The following CACNA2D3 variants were observed in gnomAD, a reference collection of about 807,000 sequenced individuals.
The protein encoded by CACNA2D3 is calcium voltage-gated channel auxiliary subunit alpha2delta 3, also known as voltage-dependent calcium channel subunit alpha-2/delta-3.
CACNA2D3 carries 60 observed loss-of-function variants against 160.6 expected under a neutral mutation model. The observed-to-expected ratio is 0.37, with a 90% confidence interval of 0.30 to 0.46. The LOEUF (loss-of-function observed/expected upper bound fraction) is 0.46, where lower values mean the gene tolerates loss of function less well. Ranked by LOEUF, CACNA2D3 falls within the 20% of genes least tolerant of loss-of-function variation. The probability of loss-of-function intolerance (pLI) is 1.00; values close to 1 mark genes in which losing one functional copy is unlikely to be tolerated. For synonymous variants in CACNA2D3, 558 were observed against 492.9 expected (o/e 1.13, Z -1.75); for missense variants, 1,205 against 1,365.0 (o/e 0.88, Z 1.85).
At chr3:55,032,510 A>G (rs1703706688) in intron 35 of CACNA2D3, among the ~76,000 whole-genome samples, 2 of 152,134 alleles carry the variant, frequency 1.3e-5, no homozygotes, top group African/African-American at 4.8e-5. Context: ...TCTCTTTCTT[A>G]GTCTTCCTCC....
At chr3:54,518,202 G>A (rs1026575463) in intron 5 of CACNA2D3, among the ~76,000 whole-genome samples, 2 of 152,208 alleles carry the variant, frequency 1.3e-5, no homozygotes, top group Middle Eastern at 3.4e-3. Flanking sequence ...TGGTGGTTGG[G>A]GTCCCATCCC....
At position 54,678,593 on chromosome 3, in the gene CACNA2D3, C is replaced by T. The variant is rs138298463; in HGVS notation, c.1167+36352C>T. Among the ~76,000 whole-genome samples the T allele has an allele frequency of 6.6e-3, 998 of 151,526 alleles. 31 individuals carry two copies. The highest frequency in any genetic ancestry group is 0.015 in the South Asian group (71 of 4,772). On this transcript the variant is annotated intron_variant, in intron 11 of 37. Coordinates refer to ENST00000474759, the MANE Select transcript of CACNA2D3 (RefSeq NM_018398.3). ...AAAATTAGCCGGGCATGGTGGTGCG[C>T]GCCTGTAGTCCCAGCCACTTGGGAG...
intron 21 of CACNA2D3, among the ~76,000 whole-genome samples, chr3:54,884,986 C>G (rs1246143808): frequency 1.3e-5 from 2 of 152,156 alleles, no homozygotes; most frequent in Non-Finnish European, 2.9e-5. Flanking sequence ...TTAAGCTTCT[C>G]CCTCCGGACT....
At chr3:54,566,565 C>A (rs1702412002) in intron 6 of CACNA2D3, among the ~76,000 whole-genome samples, 1 of 151,614 alleles carries the variant, frequency 6.6e-6, no homozygotes, top group Non-Finnish European at 1.5e-5. Flanking sequence ...AGTACCTACC[C>A]ATGTACTCTT....
chr3:54,557,468 A>C (rs145146682), intron 5 of CACNA2D3, among the ~76,000 whole-genome samples: 1,939 of 152,342 alleles, frequency 0.013, 11 homozygotes, highest in Non-Finnish European at 0.02. Flanking sequence ...AGAATTGTCA[A>C]AACTGGGCAA....
At chr3:54,382,973 C>T (rs560590108) in intron 3 of CACNA2D3, among the ~76,000 whole-genome samples, 7 of 152,178 alleles carry the variant, frequency 4.6e-5, no homozygotes, top group South Asian at 2.1e-4. Flanking sequence ...TGAGTTTCAC[C>T]GCTAGCTGGG....
intron 2 of CACNA2D3, among the ~76,000 whole-genome samples, chr3:54,161,609 T>A (rs1044670446): frequency 6.6e-6 from 1 of 152,228 alleles, no homozygotes; most frequent in African/African-American, 2.4e-5. Flanking sequence ...GCCAAGGACC[T>A]TAAAAAGCAG....
rs547507130 is a variant in CACNA2D3 at position 54,794,520 on chromosome 3, T to A, written c.1381-22333T>A. 3.9e-5 allele frequency among the ~76,000 whole-genome samples: 6 copies of A among 152,298 alleles called. No homozygotes were observed. In the South Asian group the frequency reaches 1.0e-3, roughly 26 times the overall value. ...CTTTTGGATATACTCAAGCTTCCAA[T>A]TGGAATAATTTTTCTTCAGTCTGAA... On this transcript the variant is annotated intron_variant, in intron 13 of 37. Transcript: ENST00000474759.
intron 2 of CACNA2D3, among the ~76,000 whole-genome samples, chr3:54,300,015 C>T (rs1703438575): frequency 1.3e-5 from 2 of 152,220 alleles, no homozygotes; most frequent in African/African-American, 2.4e-5. Flanking sequence ...TGTATTTTTC[C>T]GCTTCTTTAG....
intron 27 of CACNA2D3, among the ~76,000 whole-genome samples, chr3:54,903,024 A>G (rs1188168831): frequency 6.6e-6 from 1 of 152,230 alleles, no homozygotes; most frequent in East Asian, 1.9e-4. Flanking sequence ...GTTTTGTTAT[A>G]ACAGAATACC....
chr3:54,406,270 A>G (rs1320611742), intron 4 of CACNA2D3, among the ~76,000 whole-genome samples: 1 of 152,152 alleles, frequency 6.6e-6, no homozygotes, highest in Non-Finnish European at 1.5e-5. Context: ...CATTTTCCAC[A>G]ATAGCCATGA....
chr3:54,122,852 G>T lies in CACNA2D3; in HGVS notation c.122+17G>T. The T allele has an allele frequency of 1.6e-6, 2 of 1,225,558 alleles. No homozygotes were observed. The highest frequency in any genetic ancestry group is 2.0e-6 in the Non-Finnish European group (2 of 979,006). The allele number at this position is 1,225,558 out of a possible 1,614,324, so 75.9% of individuals were successfully genotyped here. The stretch of plus-strand genomic sequence containing the variant: ...GCTCTCCGTGTAAGTGCCGGCTCCT[G>T]CGCCGCCCGGGGAGGGGACCTTGCC... On this transcript the variant is annotated intron_variant, in intron 1 of 37. Coordinates refer to ENST00000474759, the MANE Select transcript of CACNA2D3 (RefSeq NM_018398.3).
intron 11 of CACNA2D3, among the ~76,000 whole-genome samples, chr3:54,687,129 T>TTTG (rs1700471242): frequency 5.9e-5 from 3 of 51,012 alleles, no homozygotes; most frequent in East Asian, 3.0e-4. Flanking sequence ...TTCTTTTTTT[T>TTTG]TTTTTGTTTT....
At chr3:54,332,408 T>A (rs1429606438) in intron 3 of CACNA2D3, among the ~76,000 whole-genome samples, 1 of 150,866 alleles carries the variant, frequency 6.6e-6, no homozygotes. Context: ...CCTTGAAACA[T>A]AGCACCCAGC....
chr3:54,243,266 T>C (rs1442639636), intron 2 of CACNA2D3, among the ~76,000 whole-genome samples: 1 of 152,220 alleles, frequency 6.6e-6, no homozygotes. Flanking sequence ...GCGTGGGCTG[T>C]CAAATGTTTG....
intron 13 of CACNA2D3, among the ~76,000 whole-genome samples, chr3:54,791,469 T>C (rs1702756726): frequency 6.6e-6 from 1 of 152,234 alleles, no homozygotes; most frequent in Non-Finnish European, 1.5e-5. Context: ...TGGCTTACAT[T>C]TGCATAATTC....
In CACNA2D3 at chr3:54,203,335, A is replaced by G. The variant is rs114286069; in HGVS notation, c.204+79741A>G. Among the ~76,000 whole-genome samples the G allele has an allele frequency of 2.4e-3, 371 of 152,308 alleles. 2 individuals carry two copies. Among genetic ancestry groups the G allele is most frequent in the African/African-American group, 7.9e-3 (330 of 41,550 alleles). On this transcript the variant is annotated intron_variant, in intron 2 of 37. Coordinates refer to ENST00000474759, the MANE Select transcript of CACNA2D3 (RefSeq NM_018398.3). Reference sequence around the variant, plus strand: ...CCTCTAGGGGAGCATACAGATGGGCAGGCTGTGGGGCTCTGACTCCATGGC... The same window carrying G: ...CCTCTAGGGGAGCATACAGATGGGCGGGCTGTGGGGCTCTGACTCCATGGC...
intron 2 of CACNA2D3, among the ~76,000 whole-genome samples, chr3:54,210,440 G>A (rs199643132): frequency 6.6e-6 from 1 of 151,102 alleles, no homozygotes; most frequent in East Asian, 2.0e-4. Context: ...GTGTGTGTGT[G>A]TTTGTGTGTG....
At chr3:54,497,472 C>T (rs1701219830) in intron 4 of CACNA2D3, among the ~76,000 whole-genome samples, 1 of 151,862 alleles carries the variant, frequency 6.6e-6, no homozygotes, top group African/African-American at 2.4e-5. Flanking sequence ...ATTTTGTATT[C>T]TGTGATCTTG....
Sources: allele counts gnomAD v4.1 joint callset (sites outside exome capture counted in the v4.1 genomes callset), GRCh38; gene constraint gnomAD v4.1.1; transcripts MANE v1.5; gene names NCBI Gene and HGNC (gene_info 2026-07-23, HGNC 2026-07-21).